LOXHD1: variants seen among roughly 807,000 people sequenced by gnomAD.
LOXHD1 encodes lipoxygenase homology PLAT domains 1.
LOXHD1 carries 205 observed loss-of-function variants against 248.2 expected under a neutral mutation model. That is an observed-to-expected ratio of 0.83 (90% CI 0.74 to 0.93). LOXHD1 has a LOEUF of 0.93. LOXHD1 is among the 40% of genes least tolerant of loss of function. LOXHD1 has a pLI of 0.00. For synonymous variants in LOXHD1, 1,113 were observed against 1,162.8 expected (o/e 0.96, Z 0.87); for missense variants, 2,930 against 2,971.6 (o/e 0.99, Z 0.33).
At chr18:46,571,569 G>A (rs569805871) in intron 15 of LOXHD1, among the ~76,000 whole-genome samples, 1 of 152,318 alleles carries the variant, frequency 6.6e-6, no homozygotes, top group Non-Finnish European at 1.5e-5. Flanking sequence ...ACCATCTTCT[G>A]GGATTATTGC....
chr18:46,587,337 C>T (rs1045880775), intron 12 of LOXHD1, among the ~76,000 whole-genome samples: 1 of 152,196 alleles, frequency 6.6e-6, no homozygotes, highest in Non-Finnish European at 1.5e-5. Context: ...CCTGGCTTCA[C>T]TCTTAATTAT....
intron 4 of LOXHD1, among the ~76,000 whole-genome samples, chr18:46,639,217 T>C (rs545085489): frequency 2.0e-5 from 3 of 152,310 alleles, no homozygotes; most frequent in African/African-American, 7.2e-5. Context: ...CACTATGCCT[T>C]GGCTGTAACT....
intron 13 of LOXHD1, among the ~76,000 whole-genome samples, chr18:46,578,451 A>G: frequency 6.6e-6 from 1 of 152,180 alleles, no homozygotes; most frequent in Non-Finnish European, 1.5e-5. Flanking sequence ...GTGGGTGGGA[A>G]GGAGAGAGGA....
intron 38 of LOXHD1, among the ~76,000 whole-genome samples, chr18:46,487,328 A>G (rs2033131023): frequency 1.3e-5 from 2 of 152,204 alleles, no homozygotes; most frequent in South Asian, 4.1e-4. Context: ...TGAGTGATAC[A>G]GGTTGTACCA....
chr18:46,549,792 T>C (rs2037008273), intron 21 of LOXHD1, among the ~76,000 whole-genome samples: 1 of 152,386 alleles, frequency 6.6e-6, no homozygotes, highest in East Asian at 1.9e-4. Context: ...CTTTAATTAT[T>C]AAGGATCTTA....
At chr18:46,598,662 CT>C (rs1489752717) in intron 8 of LOXHD1, among the ~76,000 whole-genome samples, 1 of 151,966 alleles carries the variant, frequency 6.6e-6, no homozygotes, top group African/African-American at 2.4e-5. Context: ...ATATCAGCAA[CT>C]AATTGTTAGA....
intron 36 of LOXHD1, among the ~76,000 whole-genome samples, chr18:46,506,951 C>T (rs569501843): frequency 1.7e-4 from 26 of 152,300 alleles, no homozygotes; most frequent in African/African-American, 5.8e-4. Flanking sequence ...CCTCTCAGCT[C>T]CTGGCCTTTA....
At chr18:46,637,844 T>G (rs1395328505) in intron 4 of LOXHD1, among the ~76,000 whole-genome samples, 2 of 152,172 alleles carry the variant, frequency 1.3e-5, no homozygotes, top group African/African-American at 2.4e-5. Flanking sequence ...AATTCAGAAA[T>G]GTCCCTCAAA....
At chr18:46,616,512 T>C (rs958368979) in intron 5 of LOXHD1, among the ~76,000 whole-genome samples, 2 of 152,196 alleles carry the variant, frequency 1.3e-5, no homozygotes, top group Non-Finnish European at 2.9e-5. Flanking sequence ...TTTTGTTGTT[T>C]TGTATAGTCA....
rs571456548 is a variant in LOXHD1 at position 46,507,572 on chromosome 18, G to T, written c.5658C>A (p.Ser1886=). ...CGCTGGTCTTAACTGCGACGGTGTA[G>T]GAGGTCCACTCCATCATTTCTTCCT... The part of the protein sequence containing the change: ...IDEEEMMEWT[S]YTVAVKTSDI... The change falls in exon 36 of 41, where the codon TCC becomes TCA. Residue 1886 remains serine, a synonymous_variant. Coordinates refer to ENST00000642948, the MANE Select transcript of LOXHD1 (RefSeq NM_001384474.1). The T allele has an allele frequency of 1.3e-6, 2 of 1,551,738 alleles. No individual in the cohort carries two copies. Among genetic ancestry groups the T allele is most frequent in the Non-Finnish European group, 8.7e-7 (1 of 1,146,986 alleles).
intron 2 of LOXHD1, among the ~76,000 whole-genome samples, chr18:46,646,498 T>C (rs1441501839): frequency 6.6e-6 from 1 of 152,166 alleles, no homozygotes; most frequent in African/African-American, 2.4e-5. Flanking sequence ...TCCCCACTCG[T>C]CCTGCTCACT....
At chr18:46,511,277 AG>A (rs796294083) in intron 34 of LOXHD1, among the ~76,000 whole-genome samples, 62 of 152,268 alleles carry the variant, frequency 4.1e-4, no homozygotes, top group African/African-American at 1.4e-3. Context: ...CCAACTCACT[AG>A]CCACATCCTT....
intron 34 of LOXHD1, among the ~76,000 whole-genome samples, chr18:46,511,201 G>A (rs2034938858): frequency 6.6e-6 from 1 of 152,120 alleles, no homozygotes; most frequent in African/African-American, 2.4e-5. Context: ...AATTAACCTG[G>A]ATGGACTTCC....
intron 3 of LOXHD1, among the ~76,000 whole-genome samples, chr18:46,641,568 T>A (rs1445365720): frequency 6.6e-6 from 1 of 152,184 alleles, no homozygotes; most frequent in Non-Finnish European, 1.5e-5. Flanking sequence ...TTATCACCGA[T>A]GAGGCACCAT....
At chr18:46,637,944 G>A (rs1382032560) in intron 4 of LOXHD1, among the ~76,000 whole-genome samples, 4 of 152,170 alleles carry the variant, frequency 2.6e-5, no homozygotes, top group Non-Finnish European at 5.9e-5. Flanking sequence ...CAAAGATTTA[G>A]GTGAAGTATT....
At chr18:46,644,800 AG>A (rs1464715059) in intron 2 of LOXHD1, among the ~76,000 whole-genome samples, 1 of 152,186 alleles carries the variant, frequency 6.6e-6, no homozygotes, top group Non-Finnish European at 1.5e-5. Flanking sequence ...TACGTTCCAA[AG>A]CATTTGTGAA....
chr18:46,504,837 C>T (rs967646672), intron 37 of LOXHD1, among the ~76,000 whole-genome samples: 3 of 152,164 alleles, frequency 2.0e-5, no homozygotes, highest in Non-Finnish European at 2.9e-5. Context: ...GAGCAGATAG[C>T]TTTGCAGAGA....
At chr18:46,598,545 C>A (rs1297978044) in intron 8 of LOXHD1, among the ~76,000 whole-genome samples, 1 of 151,430 alleles carries the variant, frequency 6.6e-6, no homozygotes, top group Non-Finnish European at 1.5e-5. Context: ...AATTTGACTT[C>A]CTACAGAAAA....
intron 7 of LOXHD1, among the ~76,000 whole-genome samples, chr18:46,603,332 G>C (rs185973102): frequency 8.5e-5 from 13 of 152,180 alleles, no homozygotes; most frequent in Admixed American, 3.3e-4. Flanking sequence ...AGGGAAGAAT[G>C]GAAGGTGTGA....
Sources: gnomAD v4.1 joint callset for allele counts (sites outside exome capture counted in the v4.1 genomes callset) on GRCh38, gnomAD v4.1.1 for gene constraint, MANE v1.5 for transcripts, NCBI Gene and HGNC (gene_info 2026-07-23, HGNC 2026-07-21) for gene names.